The following ASPRV1 variants were observed in gnomAD, a reference collection of about 807,000 sequenced individuals.
ASPRV1 encodes the protein aspartic peptidase retroviral like 1.
Under a neutral mutation model 11.0 loss-of-function variants are expected in ASPRV1, and 7 were observed. The observed-to-expected ratio is 0.64, with a 90% confidence interval of 0.36 to 1.20. The LOEUF is 1.20. ASPRV1 is among the 50% of genes most tolerant of loss of function. ASPRV1 has a pLI of 0.02. For synonymous variants in ASPRV1, 136 were observed against 138.4 expected (o/e 0.98, Z 0.12); for missense variants, 299 against 320.0 (o/e 0.93, Z 0.50).
At chr2:70,016,115 C>T in the ASPRV1 span, 9 of 152,240 alleles carry the variant, frequency 5.9e-5, no homozygotes, top group Non-Finnish European at 8.8e-5. Flanking sequence ...AAAATACATT[C>T]TTCCCAAGTG....
the ASPRV1 span, among the ~76,000 whole-genome samples, chr2:70,043,202 G>C: frequency 6.6e-6 from 1 of 152,148 alleles, no homozygotes; most frequent in African/African-American, 2.4e-5. Context: ...TGTATCACCT[G>C]AGGTCAGGAG....
chr2:69,994,056 C>T, the ASPRV1 span: 1 of 152,252 alleles, frequency 6.6e-6, no homozygotes. Context: ...CAGTTCACGG[C>T]TAAAATCCAA....
At chr2:70,048,682 C>T in the ASPRV1 span, 1 of 152,446 alleles carries the variant, frequency 6.6e-6, no homozygotes, top group African/African-American at 2.4e-5. Flanking sequence ...TTACCACAAA[C>T]TATATGGCTT....
chr2:70,083,428 A>C, the ASPRV1 span: 1 of 152,264 alleles, frequency 6.6e-6, no homozygotes, highest in African/African-American at 2.4e-5. Flanking sequence ...CCAACTTAAC[A>C]TAAGAGGAAG....
At chr2:70,080,733 G>C in the ASPRV1 span, among the ~76,000 whole-genome samples, 22,925 of 152,160 alleles carry the variant, frequency 0.15, 2,716 homozygotes, top group East Asian at 0.3. Flanking sequence ...ATATACACTA[G>C]TGAAGTAGCA....
At chr2:70,019,131 G>A in the ASPRV1 span, 1 of 152,138 alleles carries the variant, frequency 6.6e-6, no homozygotes, top group Non-Finnish European at 1.5e-5. Context: ...CCCAAAATAC[G>A]ACATACAAAT....
chr2:70,084,262 A>G, the ASPRV1 span, among the ~76,000 whole-genome samples: 4 of 152,190 alleles, frequency 2.6e-5, no homozygotes, highest in South Asian at 2.1e-4. Flanking sequence ...AGACCAGAAG[A>G]AGGCTTTGTT....
At position 69,961,431 on chromosome 2, in the gene ASPRV1, G is replaced by T. The variant is rs369103751; in HGVS notation, c.6C>A (p.Ala2=). The T allele has an allele frequency of 1.2e-6, 2 of 1,613,922 alleles. No homozygotes were observed. The highest frequency in any genetic ancestry group is 1.7e-6 in the Non-Finnish European group (2 of 1,180,038). ...CTTCCTCACTCCTGGCTCCGCTCCC[G>T]GCCATCCTGCTGCTCTCCTCTGGAA... M[A]GSGARSEEGR... Residue 2 remains alanine, a synonymous_variant, in exon 1 of 1, where the codon GCC becomes GCA. Transcript: ENST00000320256.
chr2:70,078,306 TAG>T, the ASPRV1 span, among the ~76,000 whole-genome samples: 950 of 152,206 alleles, frequency 6.2e-3, 9 homozygotes, highest in African/African-American at 0.022. Context: ...TAAACTATGG[TAG>T]AGAGTCCCTA....
At chr2:70,053,263 C>G in the ASPRV1 span, among the ~76,000 whole-genome samples, 9 of 151,938 alleles carry the variant, frequency 5.9e-5, no homozygotes, top group Non-Finnish European at 7.4e-5. Flanking sequence ...TATGTAAGAG[C>G]AGACTACACT....
the ASPRV1 span, among the ~76,000 whole-genome samples, chr2:69,986,233 CA>C: frequency 2.0e-5 from 3 of 152,230 alleles, no homozygotes; most frequent in Non-Finnish European, 4.4e-5. Context: ...CAGGTAGATT[CA>C]TAGCTGAGCC....
the ASPRV1 span, among the ~76,000 whole-genome samples, chr2:70,069,603 T>C: frequency 3.9e-5 from 6 of 152,220 alleles, no homozygotes; most frequent in Admixed American, 1.3e-4. Flanking sequence ...TGCGAATTCT[T>C]TAGCCCTTCA....
At chr2:69,970,099 C>A in the ASPRV1 span, among the ~76,000 whole-genome samples, 199 of 152,054 alleles carry the variant, frequency 1.3e-3, 2 homozygotes, top group Non-Finnish European at 3.5e-4. Context: ...ACACAGGGGG[C>A]TTCCTCACCT....
chr2:69,966,479 C>G (rs1191395059), upstream of ASPRV1, among the ~76,000 whole-genome samples: 1 of 152,264 alleles, frequency 6.6e-6, no homozygotes, highest in Admixed American at 6.5e-5. Flanking sequence ...CCCATCCCCT[C>G]TTCAGGGTCC....
At chr2:69,999,457 A>C in the ASPRV1 span, among the ~76,000 whole-genome samples, 2 of 151,880 alleles carry the variant, frequency 1.3e-5, no homozygotes, top group Non-Finnish European at 1.5e-5. Context: ...AGTTCAACAC[A>C]AGACTGGCCA....
rs1440971048 is a variant in ASPRV1, at chr2:69,961,600, C to G, written c.-164G>C. The G allele has an allele frequency of 1.9e-6, 3 of 1,612,100 alleles. No individual in the cohort carries two copies. Among genetic ancestry groups the G allele is most frequent in the Non-Finnish European group, 2.5e-6 (3 of 1,178,692 alleles). On this transcript the variant is annotated 5_prime_UTR_variant, in exon 1 of 1. Coordinates refer to ENST00000320256, the MANE Select transcript of ASPRV1 (RefSeq NM_152792.4). Reference sequence around the variant, plus strand: ...GGAGGGAGCAGGCGCGGTCGGCTGGCTGACTGCTGGGGCAGAGGCAGGCAG... The same window carrying G: ...GGAGGGAGCAGGCGCGGTCGGCTGGGTGACTGCTGGGGCAGAGGCAGGCAG...
chr2:70,039,367 T>C, the ASPRV1 span, among the ~76,000 whole-genome samples: 1 of 152,024 alleles, frequency 6.6e-6, no homozygotes, highest in Non-Finnish European at 1.5e-5. Flanking sequence ...ACAAATTCAA[T>C]GGAAGCAAGA....
chr2:69,996,739 A>T, the ASPRV1 span: 1 of 456,716 alleles, frequency 2.2e-6, no homozygotes, highest in Non-Finnish European at 4.4e-6. Context: ...ATCTACGGAA[A>T]CCATCTACCT....
chr2:70,082,644 T>C, the ASPRV1 span, among the ~76,000 whole-genome samples: 5 of 152,036 alleles, frequency 3.3e-5, no homozygotes, highest in African/African-American at 9.7e-5. Flanking sequence ...TGGGAGGCAG[T>C]GGTTGTGGTG....
Sources: gnomAD v4.1 joint callset for allele counts (sites outside exome capture counted in the v4.1 genomes callset) on GRCh38, gnomAD v4.1.1 for gene constraint, MANE v1.5 for transcripts, NCBI Gene and HGNC (gene_info 2026-07-23, HGNC 2026-07-21) for gene names.